ZFHX3: variants seen among roughly 807,000 people sequenced by gnomAD.
The protein encoded by ZFHX3 is zinc finger homeobox 3.
ZFHX3 carries 42 observed loss-of-function variants against 279.1 expected under a neutral mutation model. The ratio of observed to expected loss-of-function variants is 0.15; its 90% CI spans 0.12 to 0.19. ZFHX3 has a LOEUF of 0.19. ZFHX3 is among the 10% of genes least tolerant of loss of function. ZFHX3 has a pLI of 1.00. For missense variants in ZFHX3, 4,981 were observed against 4,754.0 expected, an observed-to-expected ratio of 1.05 and a Z score of -1.40; for synonymous variants, 2,293 against 1,957.8, an observed-to-expected ratio of 1.17 and a Z score of -4.52.
rs574217517 is a variant in ZFHX3, at chr16:73,000,593, C to T, written c.-49-40399G>A. 4.3e-4 allele frequency among the ~76,000 whole-genome samples: 65 copies of T among 152,276 alleles called. No individual in the cohort carries two copies. The South Asian group carries it at 6.6e-3, about 16-fold the overall frequency. ...ACTTCAGGAAGCTTTTCTGTCTCGACCCGTGGGCTCCCAAAGAGCTCCTGG... is the reference window on the plus strand; with the variant it reads ...ACTTCAGGAAGCTTTTCTGTCTCGATCCGTGGGCTCCCAAAGAGCTCCTGG... On this transcript the variant is annotated intron_variant, in intron 1 of 9. Transcript: ENST00000268489.
chr16:73,637,749 T>G (rs898176072), intron 2 of ZFHX3, among the ~76,000 whole-genome samples: 23 of 152,022 alleles, frequency 1.5e-4, no homozygotes, highest in Admixed American at 4.6e-4. Context: ...AAATATTATA[T>G]GAACAAATTG....
At chr16:73,721,310 T>C (rs1410398180) in intron 1 of ZFHX3, among the ~76,000 whole-genome samples, 1 of 152,036 alleles carries the variant, frequency 6.6e-6, no homozygotes, top group Non-Finnish European at 1.5e-5. Flanking sequence ...TTAGTAGAGA[T>C]GGGGTTTTAC....
intron 5 of ZFHX3, among the ~76,000 whole-genome samples, chr16:73,167,555 T>A (rs899797701): frequency 9.2e-5 from 14 of 152,156 alleles, no homozygotes; most frequent in East Asian, 1.9e-4. Context: ...AGAAAAAAAA[T>A]AATAATAATT....
chr16:72,905,326 AG>A (rs1321129620), intron 3 of ZFHX3, among the ~76,000 whole-genome samples: 1 of 152,202 alleles, frequency 6.6e-6, no homozygotes, highest in Non-Finnish European at 1.5e-5. Flanking sequence ...GAATTTTTTT[AG>A]TATGTGAATC....
intron 1 of ZFHX3, among the ~76,000 whole-genome samples, chr16:73,734,312 A>G (rs1046360970): frequency 6.6e-6 from 1 of 152,136 alleles, no homozygotes; most frequent in African/African-American, 2.4e-5. Context: ...TGATGGAGCT[A>G]CTCTTTAAAA....
At chr16:72,792,743 C>A (rs941811130) in intron 9 of ZFHX3, among the ~76,000 whole-genome samples, 2 of 152,164 alleles carry the variant, frequency 1.3e-5, no homozygotes, top group African/African-American at 4.8e-5. Flanking sequence ...AACCACTGCA[C>A]CCGGCCCTGA....
At chr16:73,417,988 CAAAAAAAAAAAAAA>C (rs71156161) in intron 3 of ZFHX3, among the ~76,000 whole-genome samples, 1 of 57,856 alleles carries the variant, frequency 1.7e-5, no homozygotes, top group Admixed American at 2.7e-4. Flanking sequence ...GACTCCATCT[CAAAAAAAAAAAAAA>C]AAAAAAAAAA....
chr16:73,168,343 A>C (rs2144863845), intron 5 of ZFHX3, among the ~76,000 whole-genome samples: 1 of 150,996 alleles, frequency 6.6e-6, no homozygotes, highest in South Asian at 2.1e-4. Flanking sequence ...TTCACTGCAG[A>C]CTTGAACTCC....
At chr16:73,146,953 T>C (rs1383198988) in intron 5 of ZFHX3, among the ~76,000 whole-genome samples, 2 of 152,230 alleles carry the variant, frequency 1.3e-5, no homozygotes, top group African/African-American at 2.4e-5. Context: ...CCACCGTGCC[T>C]GGCTGGTAGT....
intron 4 of ZFHX3, among the ~76,000 whole-genome samples, chr16:72,880,313 G>C (rs1188824668): frequency 2.0e-5 from 3 of 152,216 alleles, no homozygotes; most frequent in Non-Finnish European, 2.9e-5. Flanking sequence ...CTAGGTTGAA[G>C]TCCCAACCTC....
At chr16:72,874,138 C>G (rs530341967) in intron 4 of ZFHX3, among the ~76,000 whole-genome samples, 13 of 150,876 alleles carry the variant, frequency 8.6e-5, no homozygotes, top group Non-Finnish European at 1.9e-4. Context: ...TCTTTCGTGA[C>G]GCATGCACTC....
intron 7 of ZFHX3, chr16:72,807,637 T>G (rs1481977609): frequency 6.6e-6 from 1 of 152,166 alleles, no homozygotes; most frequent in Non-Finnish European, 1.5e-5. Context: ...CTGTTTCCAT[T>G]TATCAGGGTG....
At chr16:73,611,462 C>T (rs970561351) in intron 2 of ZFHX3, among the ~76,000 whole-genome samples, 20 of 152,232 alleles carry the variant, frequency 1.3e-4, no homozygotes, top group African/African-American at 4.6e-4. Flanking sequence ...TGATTTTATT[C>T]ATCTTTTCCA....
intron 2 of ZFHX3, among the ~76,000 whole-genome samples, chr16:73,593,199 G>A (rs1180033378): frequency 6.6e-6 from 1 of 151,920 alleles, no homozygotes; most frequent in East Asian, 1.9e-4. Flanking sequence ...AATAACCAGG[G>A]AACAAACACT....
chr16:73,351,786 G>T (rs1406598155), intron 3 of ZFHX3, among the ~76,000 whole-genome samples: 1 of 152,302 alleles, frequency 6.6e-6, no homozygotes, highest in East Asian at 1.9e-4. Context: ...AGCCTTCCAG[G>T]GGGGCAGGTC....
chr16:73,118,712 G>T (rs1056230425), intron 7 of ZFHX3, among the ~76,000 whole-genome samples: 2 of 152,164 alleles, frequency 1.3e-5, no homozygotes, highest in African/African-American at 4.8e-5. Flanking sequence ...AAGCCTCTGG[G>T]CTCTTGCATT....
At chr16:73,150,735 G>T (rs1045923647) in intron 5 of ZFHX3, among the ~76,000 whole-genome samples, 9 of 152,154 alleles carry the variant, frequency 5.9e-5, no homozygotes, top group African/African-American at 1.9e-4. Flanking sequence ...TAAATAAATT[G>T]CAAACTCCCG....
chr16:73,312,871 T>G (rs1010029812), intron 4 of ZFHX3, among the ~76,000 whole-genome samples: 1 of 152,256 alleles, frequency 6.6e-6, no homozygotes, highest in African/African-American at 2.4e-5. Flanking sequence ...ATGCGTACTA[T>G]GCATCAGAGT....
chr16:73,838,599 C>T (rs1007241387), intron 1 of ZFHX3, among the ~76,000 whole-genome samples: 1 of 152,140 alleles, frequency 6.6e-6, no homozygotes, highest in African/African-American at 2.4e-5. Context: ...GGTGAGCTTT[C>T]CCATTTGGGA....
Sources: gnomAD v4.1 joint callset for allele counts (sites outside exome capture counted in the v4.1 genomes callset) on GRCh38, gnomAD v4.1.1 for gene constraint, MANE v1.5 for transcripts, NCBI Gene and HGNC (gene_info 2026-07-23, HGNC 2026-07-21) for gene names.